The following WWC1 variants were observed in gnomAD, a reference collection of about 807,000 sequenced individuals.
The protein encoded by WWC1 is protein KIBRA.
Under a neutral mutation model 138.4 loss-of-function variants are expected in WWC1, and 55 were observed. The observed-to-expected ratio is 0.40, with a 90% confidence interval of 0.32 to 0.50. WWC1 has a LOEUF of 0.50. Among genes scored for constraint, WWC1 ranks in the 20% least tolerant of loss-of-function variants. WWC1 has a pLI of 0.72. For missense variants in WWC1, 1,226 were observed against 1,420.4 expected (o/e 0.86, Z 2.20); for synonymous variants, 524 against 564.9 (o/e 0.93, Z 1.03).
intron 8 of WWC1, among the ~76,000 whole-genome samples, chr5:168,411,320 A>G (rs535126896): frequency 7.2e-5 from 11 of 152,200 alleles, no homozygotes; most frequent in Admixed American, 3.3e-4. Context: ...CATTGCATCC[A>G]TTCCTTCCTA....
intron 3 of WWC1, among the ~76,000 whole-genome samples, chr5:168,393,201 C>G (rs1031508882): frequency 5.3e-5 from 8 of 152,080 alleles, no homozygotes; most frequent in African/African-American, 1.9e-4. Context: ...AGGAGAAAAG[C>G]ATCGCTGAAA....
At chr5:168,463,518 G>A (rs1227983408) in intron 20 of WWC1, among the ~76,000 whole-genome samples, 1 of 152,174 alleles carries the variant, frequency 6.6e-6, no homozygotes, top group Non-Finnish European at 1.5e-5. Flanking sequence ...CTTACCTGAT[G>A]AAAGGAGAGG....
intron 3 of WWC1, among the ~76,000 whole-genome samples, chr5:168,389,999 T>C (rs942606194): frequency 2.0e-5 from 3 of 152,188 alleles, no homozygotes; most frequent in African/African-American, 7.2e-5. Context: ...TATTAATGGC[T>C]CAATAAATAG....
Position 168,371,436 on chromosome 5 carries a change from G to A in WWC1, c.132G>A (p.Pro44=), listed in dbSNP as rs142947087. ...TCTCCCTTGCCAGGTACACCAAACC[G>A]CTCACCTTTGCTGACTGCATTAGTG... ...WIDPRDRYTK[P]LTFADCISDE... The change falls in exon 2 of 23, where the codon CCG becomes CCA. Residue 44 remains proline, a synonymous_variant. Coordinates refer to ENST00000265293, the MANE Select transcript of WWC1 (RefSeq NM_015238.3). 43 of 1,613,708 alleles carry A rather than the reference G, an allele frequency of 2.7e-5. No individual in the cohort carries two copies. Among genetic ancestry groups the A allele is most frequent in the Non-Finnish European group, 3.3e-5 (39 of 1,179,818 alleles).
intron 21 of WWC1, among the ~76,000 whole-genome samples, chr5:168,467,222 C>T (rs1757373873): frequency 6.6e-6 from 1 of 152,224 alleles, no homozygotes; most frequent in Non-Finnish European, 1.5e-5. Flanking sequence ...TGCGCCCCTA[C>T]ACTCCAGCCT....
chr5:168,360,138 T>G (rs1168925582), intron 1 of WWC1, among the ~76,000 whole-genome samples: 1 of 152,230 alleles, frequency 6.6e-6, no homozygotes, highest in Non-Finnish European at 1.5e-5. Context: ...GTGGCAGTGC[T>G]GATGCCTTTG....
In WWC1 at chr5:168,319,312, C is replaced by T. The variant is rs758667465; in HGVS notation, c.119+27041C>T. ...GCGGGTGCCTGTAATCCCAGCTCCT[C>T]GGGAGGCCGAGGCAGGAGAATCACT... On this transcript the variant is annotated intron_variant, in intron 1 of 22. Transcript: ENST00000265293. Among the ~76,000 whole-genome samples the T allele has an allele frequency of 9.2e-5, 14 of 152,148 alleles. 1 individual carries two copies. Among genetic ancestry groups the T allele is most frequent in the South Asian group, 4.1e-4 (2 of 4,822 alleles).
At chr5:168,427,328 C>T (rs765981078) in intron 11 of WWC1, among the ~76,000 whole-genome samples, 22 of 152,116 alleles carry the variant, frequency 1.4e-4, no homozygotes, top group Non-Finnish European at 2.9e-4. Context: ...TATAATGTCT[C>T]GCTGAGTCCT....
intron 15 of WWC1, among the ~76,000 whole-genome samples, chr5:168,436,982 GCC>G (rs1243287542): frequency 6.6e-6 from 1 of 152,098 alleles, no homozygotes; most frequent in Non-Finnish European, 1.5e-5. Flanking sequence ...TGTGTCCTTT[GCC>G]TGGCCTCCAA....
chr5:168,444,352 T>C, intron 16 of WWC1, 142 bp from the exon 17 acceptor site: 1 of 747,378 alleles, frequency 1.3e-6, no homozygotes, highest in Non-Finnish European at 2.1e-6. Context: ...TCAGTGACCT[T>C]GGGCAAGACA....
rs552106116 is a variant in WWC1, at chr5:168,470,858, G to C, written c.*1841G>C. 1.3e-5 allele frequency: 2 copies of C among 152,248 alleles called. No homozygotes were observed. Among genetic ancestry groups the C allele is most frequent in the South Asian group, 2.1e-4 (1 of 4,824 alleles). The allele number at this position is 152,248 out of a possible 1,614,324, so 9.4% of individuals were successfully genotyped here. A position where few individuals can be genotyped will look rare whatever the true frequency, so the allele number is the denominator to read the frequency against. On this transcript the variant is annotated 3_prime_UTR_variant, in exon 23 of 23. Transcript: ENST00000265293. ...TAATAATAAAAATAAAATGCAGACT[G>C]TCAGGTCCTCTCTAGACCCACTGAA...
Position 168,385,350 on chromosome 5 carries a change from T to A in WWC1, c.369T>A (p.Leu123=). Residue 123 remains leucine, a synonymous_variant, in exon 3 of 23, where the codon CTT becomes CTA. Transcript: ENST00000265293. Reference sequence around the variant, plus strand: ...AGGTGAAGCAGCAGCGCCTGGAGCTTGCACAGCAGGAGTACCAGCAACTGC... The same window carrying A: ...AGGTGAAGCAGCAGCGCCTGGAGCTAGCACAGCAGGAGTACCAGCAACTGC... ...IYQVKQQRLE[L]AQQEYQQLHA... is the part of the protein sequence containing the mutation. 6.2e-7 allele frequency: 1 copy of A among 1,614,112 alleles called. No individual in the cohort carries two copies. Among genetic ancestry groups the A allele is most frequent in the Non-Finnish European group, 8.5e-7 (1 of 1,180,024 alleles).
intron 1 of WWC1, among the ~76,000 whole-genome samples, chr5:168,352,238 C>T (rs1775025200): frequency 1.3e-5 from 2 of 152,120 alleles, no homozygotes; most frequent in Non-Finnish European, 1.5e-5. Flanking sequence ...ATGGGATGTC[C>T]GTATCAGGTG....
chr5:168,412,502 C>T (rs1176065613), intron 8 of WWC1, among the ~76,000 whole-genome samples: 2 of 152,174 alleles, frequency 1.3e-5, no homozygotes, highest in Non-Finnish European at 1.5e-5. Flanking sequence ...GCATCAGTCA[C>T]TTCCCAATGT....
At chr5:168,408,394 G>A (rs1044905646) in intron 6 of WWC1, 113 bp from the exon 7 acceptor site, 13 of 1,255,796 alleles carry the variant, frequency 1.0e-5, no homozygotes, top group East Asian at 2.4e-5. Flanking sequence ...TATCTGGGGA[G>A]GGCACAGGTT....
chr5:168,418,280 C>T (rs545945158), intron 9 of WWC1, among the ~76,000 whole-genome samples: 5 of 152,316 alleles, frequency 3.3e-5, no homozygotes, highest in East Asian at 1.9e-4. Flanking sequence ...CCCTCCTTCC[C>T]GAGGGCCTTC....
chr5:168,447,911 T>A (rs1214133805), intron 17 of WWC1, among the ~76,000 whole-genome samples: 3 of 151,972 alleles, frequency 2.0e-5, no homozygotes, highest in Non-Finnish European at 4.4e-5. Context: ...TGTGCCACAC[T>A]CTACTACGGA....
chr5:168,357,447 TC>T (rs1775518279), intron 1 of WWC1, among the ~76,000 whole-genome samples: 1 of 88,580 alleles, frequency 1.1e-5, no homozygotes, highest in African/African-American at 4.0e-5. Flanking sequence ...CAACCTGCCT[TC>T]TGTGTGTGTG....
chr5:168,454,087 A>G lies in WWC1; in HGVS notation c.2645A>G (p.Tyr882Cys), dbSNP rs1223697999. Residue 882 changes from tyrosine to cysteine, a missense_variant, in exon 18 of 23, where the codon TAC becomes TGC. By Grantham distance (194) the Tyr-to-Cys change is radical. Around this residue, in one of 3 missense-constraint regions of WWC1, gnomAD observed 1,016 missense variants for 1,153.9 expected, o/e 0.88. Transcript: ENST00000265293. ...AAAGCCTCACCTGATATGGATGGGT[A>G]CCCAGCATTAAAGGTAGGAAGGGCT... ...TEKASPDMDG[Y>C]PALKVDKETN... is the part of the protein sequence containing the mutation. 6 of 1,612,952 alleles carry G rather than the reference A, an allele frequency of 3.7e-6. No homozygotes were observed. The highest frequency in any genetic ancestry group is 5.1e-6 in the Non-Finnish European group (6 of 1,179,856).
Sources: allele counts gnomAD v4.1 joint callset (sites outside exome capture counted in the v4.1 genomes callset), GRCh38; gene constraint gnomAD v4.1.1; regional missense constraint gnomAD v4.1.1; transcripts MANE v1.5; gene names NCBI Gene and HGNC (gene_info 2026-07-23, HGNC 2026-07-21).